The following ADK variants were observed in gnomAD, a reference collection of about 807,000 sequenced individuals.
The protein encoded by ADK is adenosine kinase.
In ADK, 24 loss-of-function variants were observed where a neutral mutation model predicts 44.7. The observed-to-expected ratio is 0.54, with a 90% confidence interval of 0.39 to 0.76. The LOEUF (loss-of-function observed/expected upper bound fraction) is 0.76. Among genes scored for constraint, ADK ranks in the 30% least tolerant of loss-of-function variants. The pLI is 0.00. For missense variants in ADK, 321 were observed against 425.1 expected (o/e 0.76, Z 2.15); for synonymous variants, 128 against 142.6 (o/e 0.90, Z 0.73).
intron 6 of ADK, among the ~76,000 whole-genome samples, chr10:74,480,044 T>C (rs1312368084): frequency 6.6e-6 from 1 of 152,150 alleles, no homozygotes; most frequent in African/African-American, 2.4e-5. Context: ...GAAAGGCGTA[T>C]GTGTACAGTA....
At chr10:74,177,945 A>ATATATATATATATATATT (rs10693309) in intron 1 of ADK, among the ~76,000 whole-genome samples, 1 of 109,010 alleles carries the variant, frequency 9.2e-6, no homozygotes, top group African/African-American at 3.5e-5. Flanking sequence ...ATATATATAT[A>ATATATATATATATATATT]TTTTTTTTTT....
At chr10:74,492,437 T>TA in intron 6 of ADK, among the ~76,000 whole-genome samples, 1 of 151,262 alleles carries the variant, frequency 6.6e-6, no homozygotes. Context: ...CTCTGTCTCT[T>TA]AAAAAAAAGA....
At chr10:74,610,243 A>G (rs942402098) in intron 9 of ADK, among the ~76,000 whole-genome samples, 9 of 152,352 alleles carry the variant, frequency 5.9e-5, no homozygotes, top group Admixed American at 4.6e-4. Context: ...GCTTTAAAAA[A>G]GAAGGAAATC....
intron 9 of ADK, 59 bp downstream of exon 9, chr10:74,600,552 A>G: frequency 9.5e-7 from 1 of 1,052,480 alleles, no homozygotes; most frequent in South Asian, 1.4e-5. Flanking sequence ...ATTACAAAAA[A>G]AAATTCTGTA....
intron 10 of ADK, among the ~76,000 whole-genome samples, chr10:74,678,987 T>G (rs955642557): frequency 6.6e-6 from 1 of 152,194 alleles, no homozygotes; most frequent in African/African-American, 2.4e-5. Flanking sequence ...TAACAACTCA[T>G]TTATTTAGCT....
intron 6 of ADK, among the ~76,000 whole-genome samples, chr10:74,524,539 C>T (rs560932005): frequency 6.6e-6 from 1 of 152,136 alleles, no homozygotes; most frequent in Non-Finnish European, 1.5e-5. Context: ...ACCACAGGCA[C>T]ACACCAACAC....
Position 74,586,099 on chromosome 10 carries a change from T to C in ADK, c.727-3183T>C, listed in dbSNP as rs553994956. Among the ~76,000 whole-genome samples, 59 of 152,316 alleles carry C rather than the reference T, an allele frequency of 3.9e-4. 1 individual carries two copies. Among genetic ancestry groups the C allele is most frequent in the Non-Finnish European group, 7.6e-4 (52 of 68,030 alleles). ...TGGGTCAAACTGTTCCCCCGTGTTG[T>C]TTTGTTTGTTTTGCTGACAGGGAAA... On this transcript the variant is annotated intron_variant, in intron 7 of 10. Transcript: ENST00000539909.
chr10:74,429,359 G>A (rs1844902398), intron 6 of ADK, among the ~76,000 whole-genome samples: 1 of 152,166 alleles, frequency 6.6e-6, no homozygotes, highest in Admixed American at 6.5e-5. Flanking sequence ...TTCAACACAT[G>A]ATAGTAGTTT....
intron 4 of ADK, among the ~76,000 whole-genome samples, chr10:74,365,347 G>A (rs563311038): frequency 3.9e-5 from 6 of 152,242 alleles, no homozygotes; most frequent in African/African-American, 1.4e-4. Flanking sequence ...TACCTATTCT[G>A]GAGGTTTCAT....
chr10:74,618,335 G>T (rs189386651), intron 9 of ADK, among the ~76,000 whole-genome samples: 1 of 151,826 alleles, frequency 6.6e-6, no homozygotes, highest in South Asian at 2.1e-4. Flanking sequence ...CTGTTGCCCA[G>T]ACTGGAGTGC....
chr10:74,553,588 A>G (rs143909821), intron 7 of ADK, among the ~76,000 whole-genome samples: 7 of 152,314 alleles, frequency 4.6e-5, no homozygotes, highest in Non-Finnish European at 1.0e-4. Context: ...CAGGAACATT[A>G]TGTTGAACAA....
intron 3 of ADK, among the ~76,000 whole-genome samples, chr10:74,286,238 A>G (rs4589228): frequency 0.99 from 150,737 of 152,288 alleles, 74,688 homozygotes; most frequent in Middle Eastern, 1. Context: ...TTTTTGCAGA[A>G]ACAGACTCTT....
intron 9 of ADK, among the ~76,000 whole-genome samples, chr10:74,619,507 T>G (rs755366671): frequency 3.3e-5 from 5 of 152,144 alleles, no homozygotes; most frequent in Admixed American, 1.3e-4. Context: ...CTTTTTTATT[T>G]TCTAAAGTAT....
chr10:74,386,101 T>C (rs1385166090), intron 4 of ADK, among the ~76,000 whole-genome samples: 1 of 152,204 alleles, frequency 6.6e-6, no homozygotes, highest in Non-Finnish European at 1.5e-5. Flanking sequence ...GAATCTATCC[T>C]ATAAGTTATG....
chr10:74,158,472 C>G (rs2132032008), intron 1 of ADK, among the ~76,000 whole-genome samples: 1 of 152,250 alleles, frequency 6.6e-6, no homozygotes, highest in Middle Eastern at 3.4e-3. Context: ...AATTTGGCAG[C>G]AAAATTTGAA....
chr10:74,485,973 G>A (rs1206438364), intron 6 of ADK, among the ~76,000 whole-genome samples: 5 of 152,216 alleles, frequency 3.3e-5, no homozygotes, highest in Admixed American at 2.6e-4. Context: ...GATAATAATA[G>A]CCAAGACCAT....
intron 9 of ADK, among the ~76,000 whole-genome samples, chr10:74,625,717 GAGAAA>G (rs1375657553): frequency 1.3e-5 from 2 of 152,184 alleles, no homozygotes; most frequent in East Asian, 3.9e-4. Context: ...AAAAATTGTA[GAGAAA>G]AATTATGGTA....
At chr10:74,295,853 C>T (rs1156723049) in intron 3 of ADK, among the ~76,000 whole-genome samples, 2 of 151,640 alleles carry the variant, frequency 1.3e-5, no homozygotes, top group African/African-American at 4.8e-5. Flanking sequence ...TACATTTTGT[C>T]TTAAGTGTTA....
intron 6 of ADK, among the ~76,000 whole-genome samples, chr10:74,456,588 A>G (rs1044226227): frequency 3.4e-5 from 5 of 145,482 alleles, no homozygotes; most frequent in African/African-American, 1.3e-4. Context: ...AATGGCGTGA[A>G]CCCGGGAGGC....
Sources: allele counts gnomAD v4.1 joint callset (sites outside exome capture counted in the v4.1 genomes callset), GRCh38; gene constraint gnomAD v4.1.1; transcripts MANE v1.5; gene names NCBI Gene and HGNC (gene_info 2026-07-23, HGNC 2026-07-21).